Variants in CD163L1 observed in about 807,000 individuals in gnomAD.
The protein encoded by CD163L1 is CD163 molecule like 1, also known as scavenger receptor cysteine-rich type 1 protein M160.
CD163L1 carries 124 observed loss-of-function variants against 165.4 expected under a neutral mutation model. That is an observed-to-expected ratio of 0.75 (90% CI 0.65 to 0.87). The LOEUF is 0.87. CD163L1 is among the 40% of genes least tolerant of loss of function. The pLI, the probability that CD163L1 is intolerant of heterozygous loss-of-function variation, is 0.00. For synonymous variants in CD163L1, 585 were observed against 662.2 expected (o/e 0.88, Z 1.79); for missense variants, 1,525 against 1,799.9 (o/e 0.85, Z 2.76).
intron 4 of CD163L1, among the ~76,000 whole-genome samples, chr12:7,414,892 C>T (rs956748414): frequency 6.6e-6 from 1 of 152,096 alleles, no homozygotes; most frequent in African/African-American, 2.4e-5. Flanking sequence ...GAGATAAAGA[C>T]CTTCCTAAAC....
intron 19 of CD163L1, among the ~76,000 whole-genome samples, chr12:7,356,676 T>A (rs1261554541): frequency 6.6e-6 from 1 of 152,156 alleles, no homozygotes; most frequent in Non-Finnish European, 1.5e-5. Flanking sequence ...TCCTTTGACT[T>A]CATTGAGTTC....
Position 7,421,034 on chromosome 12 carries a change from T to C in CD163L1, c.766+11382A>G, listed in dbSNP as rs779148725. 1.1e-3 allele frequency among the ~76,000 whole-genome samples: 120 copies of C among 110,846 alleles called. 2 individuals carry two copies. The highest frequency in any genetic ancestry group is 6.9e-3 in the Admixed American group (75 of 10,822). The allele number at this position is 110,846 out of a possible 152,430, so 72.7% of individuals were successfully genotyped here. A position where few individuals can be genotyped will look rare whatever the true frequency, so the allele number is the denominator to read the frequency against. ...ACGTGTATATATATACATATATATA[T>C]ACGTGTATATATATGTATATACGTA... On this transcript the variant is annotated intron_variant, in intron 4 of 19. Coordinates refer to ENST00000313599, the MANE Select transcript of CD163L1 (RefSeq NM_174941.6).
rs1402355435 is a variant in CD163L1, at chr12:7,372,951, T to A, written c.3730+369A>T. 1.3e-5 allele frequency among the ~76,000 whole-genome samples: 2 copies of A among 152,178 alleles called. No individual in the cohort carries two copies. Among genetic ancestry groups the A allele is most frequent in the African/African-American group, 4.8e-5 (2 of 41,452 alleles). On this transcript the variant is annotated intron_variant, in intron 14 of 19. Transcript: ENST00000313599. This position sits in a 1 kb window ranked among gnomAD's most constrained non-coding sequence, Gnocchi z 4.2. ...AAAAAATAGAGCTGCTTAATCTCCA[T>A]AATTAATTCACATTTCCTCAAAAGT...
the CD163L1 span, among the ~76,000 whole-genome samples, chr12:7,319,589 CAAAAA>C: frequency 1.9e-5 from 1 of 53,678 alleles, no homozygotes; most frequent in Non-Finnish European, 3.8e-5. Flanking sequence ...GACTCCGTCT[CAAAAA>C]AAAAAAAAAA....
At chr12:7,422,004 T>G (rs1681962576) in intron 4 of CD163L1, among the ~76,000 whole-genome samples, 1 of 152,164 alleles carries the variant, frequency 6.6e-6, no homozygotes, top group African/African-American at 2.4e-5. Context: ...GGGAGAGAAC[T>G]CCTAACAGGG....
the CD163L1 span, among the ~76,000 whole-genome samples, chr12:7,341,637 T>A: frequency 6.6e-6 from 1 of 152,120 alleles, no homozygotes; most frequent in East Asian, 1.9e-4. Context: ...AACCAAGCAA[T>A]TTTCTTGTTG....
chr12:7,328,906 TG>T, the CD163L1 span, among the ~76,000 whole-genome samples: 1 of 149,556 alleles, frequency 6.7e-6, no homozygotes, highest in African/African-American at 2.4e-5. Context: ...TCTGTATATA[TG>T]TATATATATC....
chr12:7,441,718 T>C (rs1210058047), intron 1 of CD163L1, among the ~76,000 whole-genome samples: 1 of 152,248 alleles, frequency 6.6e-6, no homozygotes, highest in Admixed American at 6.5e-5. Flanking sequence ...TGAATAAGTG[T>C]TCTTGCCTGT....
chr12:7,407,782 TACACACACACACACACACACACACAG>T (rs1346480825), intron 4 of CD163L1, among the ~76,000 whole-genome samples: 144 of 143,992 alleles, frequency 1.0e-3, no homozygotes, highest in African/African-American at 3.4e-3. Flanking sequence ...CACACATCCA[TACACACACACACACACACACACACAG>T]ACACACACAC....
intron 4 of CD163L1, among the ~76,000 whole-genome samples, chr12:7,419,066 A>G (rs1431870251): frequency 6.6e-6 from 1 of 152,012 alleles, no homozygotes; most frequent in Non-Finnish European, 1.5e-5. Context: ...GAAAGGACAT[A>G]ACAATAAAAG....
intron 5 of CD163L1, among the ~76,000 whole-genome samples, chr12:7,405,518 T>C (rs759287769): frequency 1.3e-5 from 2 of 152,286 alleles, no homozygotes; most frequent in Non-Finnish European, 2.9e-5. Context: ...GAATATATTA[T>C]CTTTCCCAAA....
intron 2 of CD163L1, 98 bp from the exon 3 acceptor site, chr12:7,433,792 GTTGTT>G: frequency 2.2e-6 from 2 of 905,434 alleles, no homozygotes; most frequent in Non-Finnish European, 3.3e-6. Flanking sequence ...TAGTTTAAAT[GTTGTT>G]ATTAGAACTT....
At chr12:7,382,809 T>C (rs1242332414) in intron 8 of CD163L1, among the ~76,000 whole-genome samples, 1 of 152,108 alleles carries the variant, frequency 6.6e-6, no homozygotes, top group East Asian at 1.9e-4. Flanking sequence ...AAGCCCTACA[T>C]CTCTACATGT....
the CD163L1 span, among the ~76,000 whole-genome samples, chr12:7,339,098 T>C: frequency 2.0e-5 from 3 of 152,208 alleles, no homozygotes; most frequent in East Asian, 3.9e-4. Flanking sequence ...CCTATTATAA[T>C]GTGAGAAACA....
Position 7,441,203 on chromosome 12 carries a change from C to T in CD163L1, c.75G>A (p.Val25=), listed in dbSNP as rs943497681. 1 of 1,614,040 alleles carries T rather than the reference C, an allele frequency of 6.2e-7. No individual in the cohort carries two copies. The highest frequency in any genetic ancestry group is 8.5e-7 in the Non-Finnish European group (1 of 1,179,978). Residue 25 remains valine (V), a synonymous_variant, in exon 2 of 20, where the codon GTG becomes GTA. Transcript: ENST00000313599. ...CCCHQNLFSA[V]VTCILLLNSC... Reference sequence around the variant, plus strand: ...AATTCAGGAGCAGGATGCAAGTTACCACAGCAGAGAAAAGGTTCTGATGAC... The same window carrying T: ...AATTCAGGAGCAGGATGCAAGTTACTACAGCAGAGAAAAGGTTCTGATGAC...
At position 7,374,976 on chromosome 12, in the gene CD163L1, A is replaced by G; in HGVS notation, c.3002-53T>C. 6.7e-7 allele frequency: 1 copy of G among 1,496,564 alleles called. No homozygotes were observed. The highest frequency in any genetic ancestry group is 9.3e-7 in the Non-Finnish European group (1 of 1,073,324). The allele number at this position is 1,496,564 out of a possible 1,614,324, so 92.7% of individuals were successfully genotyped here. A position where few individuals can be genotyped will look rare whatever the true frequency, so the allele number is the denominator to read the frequency against. ...AAAGTAAGACCAAAATACATGGAAAAGGTTGAAGAGTTCTGTAACAACATG... is the reference window on the plus strand; with the variant it reads ...AAAGTAAGACCAAAATACATGGAAAGGGTTGAAGAGTTCTGTAACAACATG... On this transcript the variant is annotated intron_variant, in intron 11 of 19. Coordinates refer to ENST00000313599, the MANE Select transcript of CD163L1 (RefSeq NM_174941.6). This position sits in a 1 kb window ranked among gnomAD's most constrained non-coding sequence, Gnocchi z 5.4.
the CD163L1 span, chr12:7,324,604 T>C: frequency 2.5e-6 from 4 of 1,613,450 alleles, no homozygotes; most frequent in Non-Finnish European, 3.4e-6. Context: ...GAGAGGTAGA[T>C]GAATGTCATT....
At chr12:7,351,292 A>G (rs1946705395), downstream of CD163L1, among the ~76,000 whole-genome samples, 1 of 152,114 alleles carries the variant, frequency 6.6e-6, no homozygotes, top group Admixed American at 6.6e-5. Flanking sequence ...TCTTAGCTTG[A>G]GCATCCATAA....
the CD163L1 span, among the ~76,000 whole-genome samples, chr12:7,329,346 C>CT: frequency 1.0e-4 from 9 of 88,452 alleles, no homozygotes; most frequent in South Asian, 6.8e-4. Context: ...ATTTTTTTTT[C>CT]TTTTTTTTCT....
Sources: gnomAD v4.1 joint callset for allele counts (sites outside exome capture counted in the v4.1 genomes callset) on GRCh38, gnomAD v4.1.1 for gene constraint, Gnocchi (gnomAD v3.1) non-coding constraint, MANE v1.5 for transcripts, NCBI Gene and HGNC (gene_info 2026-07-23, HGNC 2026-07-21) for gene names.